MYO16: variants seen among roughly 807,000 people sequenced by gnomAD.
The protein encoded by MYO16 is unconventional myosin-XVI.
Under a neutral mutation model 205.3 loss-of-function variants are expected in MYO16, and 94 were observed. The observed-to-expected ratio is 0.46, with a 90% CI of 0.39 to 0.54. The LOEUF is 0.54. Ranked by LOEUF, MYO16 falls within the 20% of genes least tolerant of loss-of-function variation. MYO16 has a pLI of 0.00. For missense variants in MYO16, 2,315 were observed against 2,387.5 expected, an observed-to-expected ratio of 0.97 and a Z score of 0.63; for synonymous variants, 988 against 954.0, an observed-to-expected ratio of 1.04 and a Z score of -0.66.
chr13:108,586,067 T>C, the MYO16 span, among the ~76,000 whole-genome samples: 1 of 152,158 alleles, frequency 6.6e-6, no homozygotes, highest in Admixed American at 6.5e-5. Flanking sequence ...AGGCATTCAA[T>C]TAGCATTAAT....
At chr13:108,940,458 G>T (rs1482400268) in intron 16 of MYO16, among the ~76,000 whole-genome samples, 1 of 152,174 alleles carries the variant, frequency 6.6e-6, no homozygotes, top group African/African-American at 2.4e-5. Context: ...TAGTAATGGA[G>T]TAAAATGTTA....
chr13:109,173,010 T>C (rs984206751), intron 33 of MYO16, among the ~76,000 whole-genome samples: 8 of 152,216 alleles, frequency 5.3e-5, no homozygotes, highest in African/African-American at 1.9e-4. Flanking sequence ...CAATTTGGAA[T>C]CTCTGGGATG....
chr13:108,581,413 T>C, the MYO16 span, among the ~76,000 whole-genome samples: 1 of 152,228 alleles, frequency 6.6e-6, no homozygotes, highest in Non-Finnish European at 1.5e-5. Flanking sequence ...TACTGTCTAA[T>C]TCTTTTTCAA....
At chr13:108,890,746 C>T (rs1880134312) in intron 14 of MYO16, among the ~76,000 whole-genome samples, 2 of 152,220 alleles carry the variant, frequency 1.3e-5, no homozygotes, top group South Asian at 4.1e-4. Context: ...CTCCTTTGCT[C>T]AAAGCCCTTG....
chr13:109,043,138 G>A (rs994348364), intron 23 of MYO16, among the ~76,000 whole-genome samples: 2 of 152,186 alleles, frequency 1.3e-5, no homozygotes, highest in African/African-American at 4.8e-5. Context: ...ACAGCACAAT[G>A]TTATGCTGTA....
At chr13:108,587,045 T>C in the MYO16 span, among the ~76,000 whole-genome samples, 2 of 152,252 alleles carry the variant, frequency 1.3e-5, no homozygotes, top group South Asian at 4.1e-4. Flanking sequence ...AAAGGCTTTA[T>C]TGGGTGCTGC....
At chr13:108,673,750 C>A (rs576736548) in intron 2 of MYO16, among the ~76,000 whole-genome samples, 4 of 152,034 alleles carry the variant, frequency 2.6e-5, no homozygotes, top group Non-Finnish European at 4.4e-5. Flanking sequence ...AAATCTGTAT[C>A]GAGACTTTTT....
At chr13:109,154,721 T>C (rs1285782732) in intron 32 of MYO16, among the ~76,000 whole-genome samples, 1 of 151,930 alleles carries the variant, frequency 6.6e-6, no homozygotes, top group Non-Finnish European at 1.5e-5. Context: ...CATATGTTGC[T>C]GACACCGACC....
chr13:108,576,499 A>G, the MYO16 span, among the ~76,000 whole-genome samples: 5 of 152,236 alleles, frequency 3.3e-5, no homozygotes, highest in South Asian at 4.1e-4. Flanking sequence ...TAGTAATTAT[A>G]TAAAGCATTG....
chr13:108,956,704 A>C (rs992641822), intron 16 of MYO16, among the ~76,000 whole-genome samples: 4 of 152,140 alleles, frequency 2.6e-5, no homozygotes, highest in African/African-American at 7.2e-5. Flanking sequence ...AAAGCCTGGG[A>C]GTTGCTTGGC....
chr13:108,841,717 T>C (rs1877252201), intron 9 of MYO16, among the ~76,000 whole-genome samples: 2 of 152,096 alleles, frequency 1.3e-5, no homozygotes. Flanking sequence ...AGCCCACATT[T>C]TACCAAAGAA....
intron 10 of MYO16, among the ~76,000 whole-genome samples, chr13:108,854,014 G>A (rs2139097294): frequency 6.7e-6 from 1 of 148,850 alleles, no homozygotes; most frequent in East Asian, 2.0e-4. Flanking sequence ...TTGCTTTTGA[G>A]ACGGAGTCTT....
chr13:108,534,848 C>T, the MYO16 span, among the ~76,000 whole-genome samples: 1 of 149,134 alleles, frequency 6.7e-6, no homozygotes, highest in African/African-American at 2.5e-5. Context: ...TTCTCCTCCT[C>T]ATCCTCTTCC....
At chr13:109,032,491 C>G (rs554960681) in intron 23 of MYO16, among the ~76,000 whole-genome samples, 2 of 152,316 alleles carry the variant, frequency 1.3e-5, no homozygotes, top group East Asian at 3.9e-4. Flanking sequence ...TCCCATGAAG[C>G]CTCCCTTCTC....
At chr13:108,604,758 T>A (rs1336562493) in intron 1 of MYO16, among the ~76,000 whole-genome samples, 1 of 152,208 alleles carries the variant, frequency 6.6e-6, no homozygotes, top group African/African-American at 2.4e-5. Context: ...AATAAGCACT[T>A]ACCAACTTAA....
At chr13:109,122,898 G>A (rs1876059603) in intron 29 of MYO16, among the ~76,000 whole-genome samples, 1 of 151,952 alleles carries the variant, frequency 6.6e-6, no homozygotes, top group Admixed American at 6.6e-5. Context: ...TATATAATCT[G>A]GAACCATTTC....
At chr13:109,184,868 A>C (rs921087380) in intron 34 of MYO16, among the ~76,000 whole-genome samples, 4 of 152,104 alleles carry the variant, frequency 2.6e-5, no homozygotes, top group Non-Finnish European at 4.4e-5. Context: ...TCCCAGGTTC[A>C]AGCGATTCTC....
At chr13:108,699,827 T>C (rs780643277) in intron 2 of MYO16, among the ~76,000 whole-genome samples, 3 of 152,158 alleles carry the variant, frequency 2.0e-5, no homozygotes, top group Non-Finnish European at 4.4e-5. Context: ...ATTATTACTA[T>C]CAATCTAATG....
the MYO16 span, among the ~76,000 whole-genome samples, chr13:108,507,160 G>A: frequency 0.12 from 17,602 of 152,002 alleles, 1,111 homozygotes; most frequent in Middle Eastern, 0.2. Context: ...AACTTACAAT[G>A]GGTTTATGGG....
Sources: allele counts gnomAD v4.1 joint callset (sites outside exome capture counted in the v4.1 genomes callset), GRCh38; gene constraint gnomAD v4.1.1; transcripts MANE v1.5; gene names NCBI Gene and HGNC (gene_info 2026-07-23, HGNC 2026-07-21).